Variants in KCNH7 observed in about 807,000 individuals in gnomAD.
The protein encoded by KCNH7 is potassium voltage-gated channel subfamily H member 7.
In KCNH7, 49 loss-of-function variants were observed where a neutral mutation model predicts 120.8. The observed-to-expected ratio is 0.41, with a 90% CI of 0.32 to 0.51. The LOEUF (loss-of-function observed/expected upper bound fraction) is 0.51, where lower values mean the gene tolerates loss of function less well. Among genes scored for constraint, KCNH7 ranks in the 20% least tolerant of loss-of-function variants. The probability of loss-of-function intolerance (pLI) is 0.38; values close to 1 mark genes in which losing one functional copy is unlikely to be tolerated. For synonymous variants in KCNH7, 547 were observed against 516.1 expected (o/e 1.06, Z -0.81); for missense variants, 1,097 against 1,446.6 (o/e 0.76, Z 3.92).
At chr2:162,502,662 C>T (rs1224441946) in intron 6 of KCNH7, among the ~76,000 whole-genome samples, 4 of 152,162 alleles carry the variant, frequency 2.6e-5, no homozygotes, top group Non-Finnish European at 5.9e-5. Context: ...AGTAGAATAA[C>T]TTTCTCCCTA....
At chr2:162,674,433 C>T (rs894797221) in intron 2 of KCNH7, among the ~76,000 whole-genome samples, 1 of 151,666 alleles carries the variant, frequency 6.6e-6, no homozygotes, top group Non-Finnish European at 1.5e-5. Flanking sequence ...CTAAATTGAA[C>T]CACAGATCCA....
intron 2 of KCNH7, among the ~76,000 whole-genome samples, chr2:162,720,299 TAAAAAAAAAAAAA>T (rs59618789): frequency 1.0e-5 from 1 of 97,950 alleles, no homozygotes; most frequent in Admixed American, 1.2e-4. Context: ...GATGTGTGAT[TAAAAAAAAAAAAA>T]AAAAAAAAAA....
chr2:162,426,535 G>A (rs577804079), intron 8 of KCNH7, among the ~76,000 whole-genome samples: 1 of 151,934 alleles, frequency 6.6e-6, no homozygotes, highest in Non-Finnish European at 1.5e-5. Flanking sequence ...TTTAGTTTAG[G>A]TATTATAGAA....
At chr2:162,389,974 C>T (rs1686694569) in intron 12 of KCNH7, among the ~76,000 whole-genome samples, 1 of 151,818 alleles carries the variant, frequency 6.6e-6, no homozygotes, top group Non-Finnish European at 1.5e-5. Context: ...TAGAAATAAA[C>T]ATGAAAAAAC....
At chr2:162,752,965 A>G (rs1261400969) in intron 2 of KCNH7, among the ~76,000 whole-genome samples, 42 of 117,404 alleles carry the variant, frequency 3.6e-4, no homozygotes, top group African/African-American at 1.9e-3. Flanking sequence ...AAAGAAAAGA[A>G]AAGAAAAGAA....
intron 2 of KCNH7, among the ~76,000 whole-genome samples, chr2:162,641,589 C>T (rs1684159388): frequency 6.6e-6 from 1 of 151,862 alleles, no homozygotes; most frequent in Non-Finnish European, 1.5e-5. Context: ...TATTATTCCT[C>T]TTACACAACA....
chr2:162,620,959 G>A (rs1683332343), intron 2 of KCNH7, among the ~76,000 whole-genome samples: 1 of 152,108 alleles, frequency 6.6e-6, no homozygotes, highest in African/African-American at 2.4e-5. Flanking sequence ...GGCATAAGCT[G>A]GGACTGCCCC....
At chr2:162,541,457 A>G (rs1018829450) in intron 2 of KCNH7, among the ~76,000 whole-genome samples, 1 of 152,108 alleles carries the variant, frequency 6.6e-6, no homozygotes, top group Non-Finnish European at 1.5e-5. Context: ...CCCATCAGTG[A>G]TAGACTGGAT....
intron 2 of KCNH7, among the ~76,000 whole-genome samples, chr2:162,631,583 A>G (rs192567232): frequency 7.2e-5 from 11 of 151,992 alleles, no homozygotes; most frequent in African/African-American, 2.7e-4. Context: ...GTGAAGAAAA[A>G]GGTTATTGCT....
At chr2:162,502,536 G>T (rs781668473) in intron 6 of KCNH7, among the ~76,000 whole-genome samples, 2 of 151,828 alleles carry the variant, frequency 1.3e-5, no homozygotes, top group African/African-American at 4.8e-5. Context: ...ACACAATCCC[G>T]TTTGACTCTG....
intron 2 of KCNH7, among the ~76,000 whole-genome samples, chr2:162,702,117 T>G (rs541191613): frequency 6.6e-6 from 1 of 152,090 alleles, no homozygotes; most frequent in East Asian, 1.9e-4. Context: ...GAAAAAAATT[T>G]TTTCAAAATA....
chr2:162,791,087 C>G (rs1482185063), intron 2 of KCNH7, among the ~76,000 whole-genome samples: 1 of 151,956 alleles, frequency 6.6e-6, no homozygotes, highest in African/African-American at 2.4e-5. Context: ...ACTATACCAA[C>G]AAATCTGTTA....
chr2:162,376,384 T>C (rs1558914510), intron 14 of KCNH7, among the ~76,000 whole-genome samples: 6 of 149,430 alleles, frequency 4.0e-5, no homozygotes, highest in Admixed American at 3.3e-4. Context: ...TTTTTTTTTT[T>C]AGATGGAGTC....
At chr2:162,643,622 C>A (rs934329919) in intron 2 of KCNH7, among the ~76,000 whole-genome samples, 1 of 151,800 alleles carries the variant, frequency 6.6e-6, no homozygotes, top group Admixed American at 6.6e-5. Flanking sequence ...TCCTGGCCAA[C>A]ATGGTGAAAC....
chr2:162,709,513 A>G (rs1686842745), intron 2 of KCNH7, among the ~76,000 whole-genome samples: 1 of 152,098 alleles, frequency 6.6e-6, no homozygotes, highest in Non-Finnish European at 1.5e-5. Context: ...AATTGCTCAC[A>G]TAAGATGGTG....
chr2:162,818,284 C>T (rs1684986159), intron 2 of KCNH7, among the ~76,000 whole-genome samples: 4 of 151,716 alleles, frequency 2.6e-5, no homozygotes, highest in Admixed American at 2.6e-4. Flanking sequence ...AATTTTTGTA[C>T]ACAGTATAAT....
intron 2 of KCNH7, among the ~76,000 whole-genome samples, chr2:162,776,279 C>A (rs112297911): frequency 6.6e-6 from 1 of 152,112 alleles, no homozygotes; most frequent in African/African-American, 2.4e-5. Context: ...ATGTACACAA[C>A]CCCATGTGCT....
At chr2:162,563,412 A>G (rs1693141719) in intron 2 of KCNH7, among the ~76,000 whole-genome samples, 1 of 152,172 alleles carries the variant, frequency 6.6e-6, no homozygotes, top group African/African-American at 2.4e-5. Context: ...AGGAATTTAC[A>G]TACACATACA....
intron 2 of KCNH7, among the ~76,000 whole-genome samples, chr2:162,588,301 A>G (rs751445665): frequency 2.6e-5 from 4 of 152,114 alleles, no homozygotes; most frequent in Non-Finnish European, 5.9e-5. Context: ...TTTTTATGTT[A>G]TCTTCATGTA....
Sources: allele counts gnomAD v4.1 joint callset (sites outside exome capture counted in the v4.1 genomes callset), GRCh38; gene constraint gnomAD v4.1.1; transcripts MANE v1.5; gene names NCBI Gene and HGNC (gene_info 2026-07-23, HGNC 2026-07-21).